Variants in ZDHHC19 observed in about 807,000 individuals in gnomAD.
ZDHHC19 encodes palmitoyltransferase ZDHHC19.
In ZDHHC19, 30 loss-of-function variants were observed where a neutral mutation model predicts 33.9. The ratio of observed to expected loss-of-function variants is 0.88; its 90% CI spans 0.66 to 1.20. ZDHHC19 has a LOEUF of 1.20. Ranked by LOEUF, ZDHHC19 falls within the 50% of genes most tolerant of loss-of-function variation. The pLI is 0.00. For synonymous variants in ZDHHC19, 178 were observed against 167.6 expected (o/e 1.06, Z -0.48); for missense variants, 364 against 401.1 (o/e 0.91, Z 0.79).
Position 196,198,420 on chromosome 3 carries a change from C to A in ZDHHC19, c.805G>T (p.Val269Leu). 6.4e-7 allele frequency: 1 copy of A among 1,556,036 alleles called. No homozygotes were observed. Among genetic ancestry groups the A allele is most frequent in the Non-Finnish European group, 8.7e-7 (1 of 1,150,698 alleles). ...YMAEAVQLQRVVGPDWTSMPN... is the reference protein window; with the variant it reads ...YMAEAVQLQRLVGPDWTSMPN... ...ATGGATGTCCAGTCAGGCCCCACCA[C>A]TCTCTGCAGCTGGACAGCTTCAGCC... The change falls in exon 7 of 8, where the codon GTG becomes TTG. Residue 269 changes from valine to leucine, a missense_variant. By Grantham distance (32) the Val-to-Leu change is conservative. Transcript: ENST00000296326.
At chr3:196,200,569 T>A (rs1041743132) in intron 5 of ZDHHC19, among the ~76,000 whole-genome samples, 11 of 150,420 alleles carry the variant, frequency 7.3e-5, no homozygotes, top group South Asian at 4.2e-4. Flanking sequence ...TTAGCCAGGA[T>A]GGTCTCGATC....
rs1488996935 is a variant in ZDHHC19 at position 196,200,038 on chromosome 3, C to T, written c.688-1164G>A. ...GGCATGGTGATTGGCACCTGTAATC[C>T]GAGTGTTTTGGGAGGTGGAGAAGGG... On this transcript the variant is annotated intron_variant, in intron 5 of 7. Coordinates refer to ENST00000296326, the MANE Select transcript of ZDHHC19 (RefSeq NM_001039617.2). Among the ~76,000 whole-genome samples the T allele has an allele frequency of 2.6e-5, 4 of 151,610 alleles. No individual in the cohort carries two copies. The East Asian group carries it at 5.8e-4, about 22-fold the overall frequency.
At chr3:196,200,068 T>G (rs1322098890) in intron 5 of ZDHHC19, among the ~76,000 whole-genome samples, 1 of 151,530 alleles carries the variant, frequency 6.6e-6, no homozygotes, top group Non-Finnish European at 1.5e-5. Context: ...GAAGGGAGGA[T>G]CTCTTGACCC....
In ZDHHC19 at chr3:196,211,318, C is replaced by A; in HGVS notation, c.-3G>T. On this transcript the variant is annotated 5_prime_UTR_variant, in exon 1 of 8. Transcript: ENST00000296326. ...GTGGCATCCGTTAAGAGTGTCATGG[C>A]TGGGCCTCCTTCGCCTCCAGGGGAG... 6.2e-7 allele frequency: 1 copy of A among 1,605,606 alleles called. No homozygotes were observed. The highest frequency in any genetic ancestry group is 8.5e-7 in the Non-Finnish European group (1 of 1,175,074).
At position 196,211,232 on chromosome 3, in the gene ZDHHC19, G is replaced by T. The variant is rs1319941975; in HGVS notation, c.84C>A (p.Ser28Arg). The change falls in exon 1 of 8, where the codon AGC becomes AGA. Residue 28 changes from serine to arginine, a missense_variant. Physicochemically the swap from Ser to Arg is moderately radical, Grantham distance 110. Transcript: ENST00000296326. Reference sequence around the variant, plus strand: ...GCACCACATTGAAGGCAGCAAAGAGGCTAGGGAGGAACCAGGGACGTGGGA... The same window carrying T: ...GCACCACATTGAAGGCAGCAAAGAGTCTAGGGAGGAACCAGGGACGTGGGA... Reference protein sequence around the residue: ...PLVPRPWFLPSLFAAFNVVLL... With the variant: ...PLVPRPWFLPRLFAAFNVVLL... 11 of 1,614,170 alleles carry T rather than the reference G, an allele frequency of 6.8e-6. No individual in the cohort carries two copies. The highest frequency in any genetic ancestry group is 9.3e-6 in the Non-Finnish European group (11 of 1,180,026).
chr3:196,203,204 C>T lies in ZDHHC19; in HGVS notation c.687+4194G>A, dbSNP rs1318356102. On this transcript the variant is annotated intron_variant, in intron 5 of 7. Transcript: ENST00000296326. This position sits in a 1 kb window ranked among gnomAD's most constrained non-coding sequence, Gnocchi z 4.3. The stretch of plus-strand genomic sequence containing the variant: ...TGAACCCAGGAGGCCAAGATCACAC[C>T]ACTGCACTCCAGCCTGAGTGACAGA... 6.6e-6 allele frequency among the ~76,000 whole-genome samples: 1 copy of T among 151,558 alleles called. No individual in the cohort carries two copies.
chr3:196,201,142 G>A (rs1722311659), intron 5 of ZDHHC19, among the ~76,000 whole-genome samples: 1 of 151,388 alleles, frequency 6.6e-6, no homozygotes, highest in South Asian at 2.1e-4. Flanking sequence ...GCACGATCTT[G>A]GCTCACTGCA....
rs201310503 is a variant in ZDHHC19, at chr3:196,211,139, G to A, written c.146+31C>T. On this transcript the variant is annotated intron_variant, in intron 1 of 7. Transcript: ENST00000296326. ...CTGTTTCCCTGGCTGTCTCTTTGTG[G>A]GAAACCTAACGGCTTGCCTGGAAAA... The A allele has an allele frequency of 6.9e-5, 112 of 1,613,978 alleles. No homozygotes were observed. The African/African-American group carries it at 1.3e-3, about 19-fold the overall frequency.
intron 5 of ZDHHC19, among the ~76,000 whole-genome samples, chr3:196,205,081 G>C (rs534673919): frequency 1.3e-5 from 2 of 152,262 alleles, no homozygotes; most frequent in Non-Finnish European, 2.9e-5. Context: ...ACTCCATCCT[G>C]GGTGACAGAG....
chr3:196,204,442 A>G (rs185350693), intron 5 of ZDHHC19, among the ~76,000 whole-genome samples: 7 of 152,362 alleles, frequency 4.6e-5, no homozygotes, highest in African/African-American at 1.2e-4. Context: ...TAGAATGTCA[A>G]TTCTCCCCAA....
At chr3:196,207,812 C>T (rs1214470742) in intron 4 of ZDHHC19, among the ~76,000 whole-genome samples, 4 of 113,722 alleles carry the variant, frequency 3.5e-5, no homozygotes, top group Non-Finnish European at 5.6e-5. Context: ...CCCGCCCCGT[C>T]CCCTGGCTCC....
rs977462342 is a variant in ZDHHC19, at chr3:196,203,948, T to G, written c.687+3450A>C. On this transcript the variant is annotated intron_variant, in intron 5 of 7. Coordinates refer to ENST00000296326, the MANE Select transcript of ZDHHC19 (RefSeq NM_001039617.2). The surrounding 1 kb of genome is among the most constrained non-coding windows in gnomAD (Gnocchi z 4.3). The stretch of plus-strand genomic sequence containing the variant: ...CCTGCAGCTCCTCCCTCATCAATGC[T>G]GCCCATCAGTTTTCCTAGAACAGCC... Among the ~76,000 whole-genome samples the G allele has an allele frequency of 1.3e-5, 2 of 152,196 alleles. No individual in the cohort carries two copies. The highest frequency in any genetic ancestry group is 2.9e-5 in the Non-Finnish European group (2 of 68,040).
At position 196,203,816 on chromosome 3, in the gene ZDHHC19, G is replaced by A. The variant is rs78777320; in HGVS notation, c.687+3582C>T. On this transcript the variant is annotated intron_variant, in intron 5 of 7. Coordinates refer to ENST00000296326, the MANE Select transcript of ZDHHC19 (RefSeq NM_001039617.2). The surrounding 1 kb of genome is among the most constrained non-coding windows in gnomAD (Gnocchi z 4.3). ...TGATGAGGAAGGGCGGAGCTGGGGA[G>A]TCACAGGTGGGGGAGCCAAATATGG... 0.13 allele frequency among the ~76,000 whole-genome samples: 19,312 copies of A among 152,202 alleles called. 1,664 individuals are homozygous for A. The highest frequency in any genetic ancestry group is 0.36 in the East Asian group (1,867 of 5,174).
chr3:196,207,657 G>T (rs1212048476), intron 4 of ZDHHC19, among the ~76,000 whole-genome samples, 154 bp from the exon 5 acceptor site: 3 of 10,560 alleles, frequency 2.8e-4, no homozygotes, highest in African/African-American at 6.0e-4. Context: ...CCGCCCCCAG[G>T]CCCGACTCCG....
At chr3:196,207,365 AG>A (rs1258264978) in intron 5 of ZDHHC19, 32 bp downstream of exon 5, 8 of 1,532,512 alleles carry the variant, frequency 5.2e-6, no homozygotes, top group Non-Finnish European at 7.1e-6. Context: ...GAGGTCCCCG[AG>A]GTGCAAGCTG....
At chr3:196,208,307 C>A in intron 4 of ZDHHC19, 81 bp downstream of exon 4, 2 of 1,378,042 alleles carry the variant, frequency 1.5e-6, no homozygotes, top group Non-Finnish European at 1.9e-6. Flanking sequence ...CCCTCTAGCC[C>A]CGCCCCCATA....
At chr3:196,201,704 G>C (rs929651879) in intron 5 of ZDHHC19, among the ~76,000 whole-genome samples, 11 of 152,052 alleles carry the variant, frequency 7.2e-5, no homozygotes, top group Non-Finnish European at 8.8e-5. Context: ...CTGGACGACA[G>C]AGTGAGACTC....
intron 5 of ZDHHC19, among the ~76,000 whole-genome samples, chr3:196,200,111 T>G (rs923046262): frequency 1.3e-5 from 2 of 150,900 alleles, no homozygotes; most frequent in African/African-American, 4.9e-5. Context: ...GACTTTCATC[T>G]CTAAAAAAAT....
intron 5 of ZDHHC19, among the ~76,000 whole-genome samples, chr3:196,206,100 G>A (rs1307517510): frequency 6.6e-6 from 1 of 152,138 alleles, no homozygotes; most frequent in East Asian, 1.9e-4. Context: ...CACCCAGGCT[G>A]GAGTGCAATG....
Sources: gnomAD v4.1 joint callset for allele counts (sites outside exome capture counted in the v4.1 genomes callset) on GRCh38, gnomAD v4.1.1 for gene constraint, Gnocchi (gnomAD v3.1) non-coding constraint, MANE v1.5 for transcripts, NCBI Gene and HGNC (gene_info 2026-07-23, HGNC 2026-07-21) for gene names.